HACD3: variants seen among roughly 807,000 people sequenced by gnomAD.
HACD3 encodes the protein 3-hydroxyacyl-CoA dehydratase 3.
HACD3 carries 30 observed loss-of-function variants against 55.2 expected under a neutral mutation model. The ratio of observed to expected loss-of-function variants is 0.54; its 90% CI spans 0.41 to 0.74. The LOEUF (loss-of-function observed/expected upper bound fraction) is 0.74, where lower values mean the gene tolerates loss of function less well. Ranked by LOEUF, HACD3 falls within the 30% of genes least tolerant of loss-of-function variation. The pLI is 0.00. For synonymous variants in HACD3, 141 were observed against 151.7 expected (o/e 0.93, Z 0.52); for missense variants, 363 against 440.1 (o/e 0.82, Z 1.57).
intron 2 of HACD3, among the ~76,000 whole-genome samples, chr15:65,552,303 A>C (rs1308778739): frequency 1.3e-5 from 2 of 152,186 alleles, no homozygotes; most frequent in Non-Finnish European, 2.9e-5. Flanking sequence ...TTTTTTAAAA[A>C]AAAATTATTA....
rs2071884985 is a variant in HACD3, at chr15:65,530,520, CGCTCAGG to C, written c.-111_-105del. 3 of 923,206 alleles carry C rather than the reference CGCTCAGG, an allele frequency of 3.2e-6. No homozygotes were observed. The highest frequency in any genetic ancestry group is 3.1e-6 in the Non-Finnish European group (2 of 638,934). 57.2% of individuals were successfully genotyped at this position (923,206 alleles called of 1,614,324 possible). ...GTATCTCGAGGTGCCGGGTTGCAGG[CGCTCAGG>C]AGCGCTAGGGTTTGAGGCCTGCTTT... On this transcript the variant is annotated 5_prime_UTR_variant, in exon 1 of 11. Coordinates refer to ENST00000261875, the MANE Select transcript of HACD3 (RefSeq NM_016395.4).
At chr15:65,533,854 A>G (rs2141201192) in intron 1 of HACD3, among the ~76,000 whole-genome samples, 1 of 152,008 alleles carries the variant, frequency 6.6e-6, no homozygotes, top group South Asian at 2.1e-4. Context: ...GATCGAGACC[A>G]TCCTGGCTAA....
intron 1 of HACD3, among the ~76,000 whole-genome samples, chr15:65,534,712 C>T (rs2071938380): frequency 6.6e-6 from 1 of 151,990 alleles, no homozygotes; most frequent in Non-Finnish European, 1.5e-5. Flanking sequence ...GTTCTTATTA[C>T]ACTTATGCTC....
chr15:65,578,089 A>G lies in HACD3; in HGVS notation c.*1710A>G, dbSNP rs2072427356. On this transcript the variant is annotated 3_prime_UTR_variant, in exon 11 of 11. Transcript: ENST00000261875. ...TTGGTTTGACCTAAAACATCTGATT[A>G]ATATAGGCTAGCTGATTTCTTAAAA... The G allele has an allele frequency of 6.6e-6, 1 of 152,254 alleles. No individual in the cohort carries two copies. Among genetic ancestry groups the G allele is most frequent in the Non-Finnish European group, 1.5e-5 (1 of 68,042 alleles). The allele number at this position is 152,254 out of a possible 1,614,324, so 9.4% of individuals were successfully genotyped here.
chr15:65,546,574 A>T (rs916967536), intron 1 of HACD3, among the ~76,000 whole-genome samples: 2 of 152,086 alleles, frequency 1.3e-5, no homozygotes, highest in African/African-American at 4.8e-5. Context: ...AAGGTATATG[A>T]GTTTTCATTA....
chr15:65,535,757 G>A (rs772859257), intron 1 of HACD3: 1 of 615,208 alleles, frequency 1.6e-6, no homozygotes, highest in African/African-American at 1.9e-5. Flanking sequence ...GTGCAGCAGT[G>A]TGATCATAGC....
chr15:65,576,577 C>A lies in HACD3; in HGVS notation c.*198C>A. ...CTTGCATGACATGGATTCCTGATATCTGATGAGAGGTTCATTCTTGTGTAT... is the reference window on the plus strand; with the variant it reads ...CTTGCATGACATGGATTCCTGATATATGATGAGAGGTTCATTCTTGTGTAT... On this transcript the variant is annotated 3_prime_UTR_variant, in exon 11 of 11. Coordinates refer to ENST00000261875, the MANE Select transcript of HACD3 (RefSeq NM_016395.4). 1.6e-6 allele frequency: 1 copy of A among 628,318 alleles called. No homozygotes were observed. The allele number at this position is 628,318 out of a possible 1,614,324, so 38.9% of individuals were successfully genotyped here.
At chr15:65,564,059 C>T (rs1596216083) in intron 6 of HACD3, among the ~76,000 whole-genome samples, 156 bp from the exon 7 acceptor site, 1 of 152,038 alleles carries the variant, frequency 6.6e-6, no homozygotes, top group South Asian at 2.1e-4. Context: ...TTGGCCTGCA[C>T]CCTTCCTGCT....
intron 1 of HACD3, among the ~76,000 whole-genome samples, chr15:65,544,006 C>G (rs2072047730): frequency 6.6e-6 from 1 of 152,028 alleles, no homozygotes; most frequent in African/African-American, 2.4e-5. Flanking sequence ...GAAACCTCGT[C>G]TCTACTAAAA....
chr15:65,537,792 CAA>C (rs59580579), intron 1 of HACD3, among the ~76,000 whole-genome samples: 1 of 63,282 alleles, frequency 1.6e-5, no homozygotes, highest in South Asian at 7.4e-4. Context: ...GACTCTGTCT[CAA>C]AAAAAAAAAA....
At chr15:65,542,148 GAA>G (rs965654268) in intron 1 of HACD3, among the ~76,000 whole-genome samples, 3 of 143,366 alleles carry the variant, frequency 2.1e-5, no homozygotes, top group African/African-American at 8.0e-5. Flanking sequence ...AGAATCGCTT[GAA>G]CCTGGGAGGC....
chr15:65,560,724 C>T (rs1446465707), intron 5 of HACD3, among the ~76,000 whole-genome samples: 1 of 151,272 alleles, frequency 6.6e-6, no homozygotes, highest in Non-Finnish European at 1.5e-5. Context: ...GATGGGTTGA[C>T]TCCAGGAGGT....
chr15:65,557,025 G>C (rs770485317), intron 4 of HACD3, 122 bp downstream of exon 4: 7 of 972,794 alleles, frequency 7.2e-6, no homozygotes, highest in Non-Finnish European at 8.9e-6. Context: ...TTCATTTAAA[G>C]ACCTGGTGAT....
intron 1 of HACD3, among the ~76,000 whole-genome samples, chr15:65,533,129 C>T (rs941162254): frequency 2.6e-5 from 4 of 152,150 alleles, no homozygotes; most frequent in Non-Finnish European, 4.4e-5. Context: ...TGACTTAAGC[C>T]GTGTCAATGC....
In HACD3 at chr15:65,545,108, T is replaced by C. The variant is rs116761581; in HGVS notation, c.88-6568T>C. 7.5e-3 allele frequency among the ~76,000 whole-genome samples: 1,144 copies of C among 152,168 alleles called. 14 individuals are homozygous for C. Among genetic ancestry groups the C allele is most frequent in the African/African-American group, 0.026 (1,091 of 41,506 alleles). ...GGTAAGGATTAACAATGGTTGACCG[T>C]ACCATTGGATGAAAGAGTGTTGTGA... On this transcript the variant is annotated intron_variant, in intron 1 of 10. Coordinates refer to ENST00000261875, the MANE Select transcript of HACD3 (RefSeq NM_016395.4).
intron 7 of HACD3, among the ~76,000 whole-genome samples, chr15:65,568,887 A>C (rs1369408070): frequency 6.6e-6 from 1 of 152,160 alleles, no homozygotes. Context: ...GAAGAATAGA[A>C]TGTCTATCAT....
chr15:65,543,154 A>T (rs1429515023), intron 1 of HACD3, among the ~76,000 whole-genome samples: 1 of 152,058 alleles, frequency 6.6e-6, no homozygotes, highest in African/African-American at 2.4e-5. Context: ...TATCAAATTG[A>T]TGACAAAATC....
intron 1 of HACD3, among the ~76,000 whole-genome samples, chr15:65,546,757 T>G (rs974819966): frequency 2.6e-5 from 4 of 152,080 alleles, no homozygotes; most frequent in African/African-American, 7.2e-5. Context: ...TTCAATTTTT[T>G]TGTAGATTTA....
At chr15:65,547,585 C>T (rs1045449278) in intron 1 of HACD3, among the ~76,000 whole-genome samples, 5 of 152,202 alleles carry the variant, frequency 3.3e-5, no homozygotes, top group Non-Finnish European at 2.9e-5. Flanking sequence ...GGAGGAAAGC[C>T]GAGTTTCTAG....
Sources: gnomAD v4.1 joint callset for allele counts (sites outside exome capture counted in the v4.1 genomes callset) on GRCh38, gnomAD v4.1.1 for gene constraint, MANE v1.5 for transcripts, NCBI Gene and HGNC (gene_info 2026-07-23, HGNC 2026-07-21) for gene names.